Variants in CCDC171 observed in about 807,000 individuals in gnomAD.
The protein encoded by CCDC171 is coiled-coil domain-containing protein 171.
A neutral mutation model predicts 168.2 loss-of-function variants in CCDC171; 177 were observed. The observed-to-expected ratio is 1.05, with a 90% CI of 0.93 to 1.19. The LOEUF is 1.19. Among genes scored for constraint, CCDC171 ranks in the 50% most tolerant of loss-of-function variants. The probability of loss-of-function intolerance (pLI) is 0.00; values close to 1 mark genes in which losing one functional copy is unlikely to be tolerated. For missense variants in CCDC171, 1,991 were observed against 1,539.0 expected (o/e 1.29, Z -4.91); for synonymous variants, 687 against 540.8 (o/e 1.27, Z -3.75).
chr9:15,763,345 C>G (rs975663742), intron 18 of CCDC171, among the ~76,000 whole-genome samples: 1 of 152,154 alleles, frequency 6.6e-6, no homozygotes, highest in Non-Finnish European at 1.5e-5. Context: ...GGATCATGCT[C>G]CACATTGTTG....
intron 24 of CCDC171, among the ~76,000 whole-genome samples, chr9:15,916,897 A>T (rs1321862373): frequency 1.3e-5 from 2 of 151,966 alleles, no homozygotes; most frequent in African/African-American, 4.8e-5. Flanking sequence ...TACAGATCTC[A>T]CTGCATGGTA....
At chr9:15,900,650 G>C (rs1821507623) in intron 24 of CCDC171, among the ~76,000 whole-genome samples, 2 of 152,200 alleles carry the variant, frequency 1.3e-5, no homozygotes, top group African/African-American at 4.8e-5. Flanking sequence ...CAATACCCTA[G>C]AGTGAGGTGC....
chr9:15,757,854 C>G (rs1204510817), intron 18 of CCDC171, among the ~76,000 whole-genome samples: 2 of 152,192 alleles, frequency 1.3e-5, no homozygotes, highest in African/African-American at 4.8e-5. Context: ...CAAGCCTTGG[C>G]AACTTCCACA....
At chr9:15,891,267 T>A (rs1358150611) in intron 24 of CCDC171, among the ~76,000 whole-genome samples, 1 of 152,182 alleles carries the variant, frequency 6.6e-6, no homozygotes, top group Non-Finnish European at 1.5e-5. Flanking sequence ...AAATGCACTT[T>A]CTGAGGAGCT....
At chr9:15,580,129 C>A (rs1285373388) in intron 4 of CCDC171, among the ~76,000 whole-genome samples, 1 of 152,140 alleles carries the variant, frequency 6.6e-6, no homozygotes, top group Non-Finnish European at 1.5e-5. Context: ...AAAGGACACC[C>A]TATTCACCAG....
intron 24 of CCDC171, among the ~76,000 whole-genome samples, chr9:15,880,465 T>C (rs575556970): frequency 9.5e-5 from 14 of 147,184 alleles, no homozygotes; most frequent in Non-Finnish European, 1.6e-4. Context: ...CTCTCTCTCT[T>C]TTTTTTTTTT....
At chr9:15,657,245 C>T in intron 8 of CCDC171, 26 bp downstream of exon 8, 3 of 1,423,484 alleles carry the variant, frequency 2.1e-6, no homozygotes, top group Middle Eastern at 1.8e-4. Context: ...ATATTTTGGC[C>T]TGCATTTTCT....
Position 15,562,309 on chromosome 9 carries a change from T to G in CCDC171, c.-111-1669T>G, listed in dbSNP as rs548969732. On this transcript the variant is annotated intron_variant, in intron 1 of 25. Coordinates refer to ENST00000380701, the MANE Select transcript of CCDC171 (RefSeq NM_173550.4). ...GCGCCTGGCCTGACACTTTGCTTCTTTAAGGTCAGCAGGAGATTGTCATTC... is the reference window on the plus strand; with the variant it reads ...GCGCCTGGCCTGACACTTTGCTTCTGTAAGGTCAGCAGGAGATTGTCATTC... Among the ~76,000 whole-genome samples, 22 of 152,158 alleles carry G rather than the reference T, an allele frequency of 1.4e-4. 1 individual carries two copies. The South Asian group carries it at 2.7e-3, about 19-fold the overall frequency.
intron 4 of CCDC171, among the ~76,000 whole-genome samples, chr9:15,582,976 C>T (rs1355190244): frequency 6.6e-6 from 1 of 151,164 alleles, no homozygotes; most frequent in African/African-American, 2.4e-5. Flanking sequence ...TTTGATCCAG[C>T]ATTCCCACTA....
chr9:15,799,510 A>G (rs770378002), intron 21 of CCDC171, among the ~76,000 whole-genome samples: 3 of 151,718 alleles, frequency 2.0e-5, no homozygotes, highest in Non-Finnish European at 4.4e-5. Flanking sequence ...GTATGTGTAT[A>G]TATTTATGGG....
chr9:15,633,069 C>G (rs1164743518), intron 7 of CCDC171, among the ~76,000 whole-genome samples: 2 of 152,104 alleles, frequency 1.3e-5, no homozygotes, highest in East Asian at 1.9e-4. Flanking sequence ...CATAGAAACC[C>G]TATAGGAAAA....
At chr9:15,680,668 G>A (rs1038268765) in intron 10 of CCDC171, among the ~76,000 whole-genome samples, 1 of 152,166 alleles carries the variant, frequency 6.6e-6, no homozygotes, top group Non-Finnish European at 1.5e-5. Flanking sequence ...GTTTTAGAAA[G>A]TTAAGAGCCC....
chr9:15,945,143 T>C (rs1221134542), intron 25 of CCDC171, among the ~76,000 whole-genome samples: 2 of 150,512 alleles, frequency 1.3e-5, no homozygotes, highest in East Asian at 4.0e-4. Flanking sequence ...GGTTTTTTGT[T>C]CTTGTGATAG....
At chr9:15,570,572 AGT>A (rs2040145799) in intron 2 of CCDC171, among the ~76,000 whole-genome samples, 1 of 152,154 alleles carries the variant, frequency 6.6e-6, no homozygotes, top group African/African-American at 2.4e-5. Flanking sequence ...CTGGAAGCTC[AGT>A]GTGTGAGACT....
At chr9:15,624,665 G>A (rs1054892020) in intron 7 of CCDC171, among the ~76,000 whole-genome samples, 1 of 152,138 alleles carries the variant, frequency 6.6e-6, no homozygotes, top group East Asian at 1.9e-4. Context: ...TGGCTGCATA[G>A]TATTCCATGG....
intron 6 of CCDC171, among the ~76,000 whole-genome samples, chr9:16,024,428 A>G (rs145176468): frequency 2.2e-4 from 33 of 152,322 alleles, no homozygotes; most frequent in African/African-American, 7.5e-4. Context: ...ATCCACTTCC[A>G]GAAGCTGGGC....
intron 2 of CCDC171, among the ~76,000 whole-genome samples, chr9:15,568,333 C>T (rs995548091): frequency 1.0e-4 from 15 of 147,752 alleles, no homozygotes; most frequent in South Asian, 2.1e-4. Context: ...TGCAGTGGCG[C>T]GATCTTGGCT....
chr9:15,638,197 G>A (rs764860464), intron 7 of CCDC171, among the ~76,000 whole-genome samples: 3 of 152,096 alleles, frequency 2.0e-5, no homozygotes, highest in Non-Finnish European at 4.4e-5. Context: ...AATTTTACAA[G>A]TGGAGAGCTT....
At chr9:15,910,361 A>C (rs1381052890) in intron 24 of CCDC171, among the ~76,000 whole-genome samples, 1 of 152,162 alleles carries the variant, frequency 6.6e-6, no homozygotes, top group Non-Finnish European at 1.5e-5. Flanking sequence ...GACTTTGTCA[A>C]AGATCAGTTG....
Sources: gnomAD v4.1 joint callset for allele counts (sites outside exome capture counted in the v4.1 genomes callset) on GRCh38, gnomAD v4.1.1 for gene constraint, MANE v1.5 for transcripts, NCBI Gene and HGNC (gene_info 2026-07-23, HGNC 2026-07-21) for gene names.